ADARB2: variants seen among roughly 807,000 people sequenced by gnomAD.
ADARB2 encodes adenosine deaminase RNA specific B2 (inactive), also known as inactive double-stranded RNA-specific editase B2.
Under a neutral mutation model 62.2 loss-of-function variants are expected in ADARB2, and 25 were observed. The observed-to-expected ratio is 0.40, with a 90% CI of 0.29 to 0.56. The LOEUF is 0.56. Ranked by LOEUF, ADARB2 falls within the 20% of genes least tolerant of loss-of-function variation. ADARB2 has a pLI of 0.43. For synonymous variants in ADARB2, 572 were observed against 500.8 expected (o/e 1.14, Z -1.90); for missense variants, 1,071 against 1,077.4 (o/e 0.99, Z 0.08).
chr10:1,214,975 A>G lies in ADARB2; in HGVS notation c.1682+1976T>C, dbSNP rs1256275718. On this transcript the variant is annotated intron_variant, in intron 7 of 9. Transcript: ENST00000381312. The stretch of plus-strand genomic sequence containing the variant: ...ACGATTTCCATGAGAAGGTGGAACC[A>G]TTGTTGTTAGGGCTGGGGTTTCATC... Among the ~76,000 whole-genome samples, 6 of 152,272 alleles carry G rather than the reference A, an allele frequency of 3.9e-5. 1 individual carries two copies. In the South Asian group the frequency reaches 1.0e-3, roughly 26 times the overall value.
chr10:1,240,481 T>C (rs141398221), intron 5 of ADARB2: 294 of 152,492 alleles, frequency 1.9e-3, no homozygotes, highest in Admixed American at 3.6e-3. Flanking sequence ...AGAACAGACA[T>C]TTTCTCCACA....
intron 3 of ADARB2, among the ~76,000 whole-genome samples, chr10:1,351,231 G>T (rs964403864): frequency 6.6e-6 from 1 of 152,150 alleles, no homozygotes; most frequent in African/African-American, 2.4e-5. Flanking sequence ...GACGCTGCCC[G>T]ATCACCTCAG....
intron 3 of ADARB2, among the ~76,000 whole-genome samples, chr10:1,325,900 G>C (rs1440719916): frequency 6.6e-6 from 1 of 152,014 alleles, no homozygotes; most frequent in Non-Finnish European, 1.5e-5. Context: ...CCAAAGCCCG[G>C]GACATAGTGA....
At chr10:1,258,779 C>G (rs1208135522) in intron 4 of ADARB2, among the ~76,000 whole-genome samples, 1 of 152,192 alleles carries the variant, frequency 6.6e-6, no homozygotes, top group African/African-American at 2.4e-5. Flanking sequence ...GAATTGAACT[C>G]AGCTCTGCAC....
rs376883578 is a variant in ADARB2, at chr10:1,526,736, TCC to T, written c.101-147578_101-147577del. On this transcript the variant is annotated intron_variant, in intron 1 of 9. Coordinates refer to ENST00000381312, the MANE Select transcript of ADARB2 (RefSeq NM_018702.4). ...TCATAAATCACCCAGCCTCGGGTGT[TCC>T]TTTCTAGCAACACACACGGACTGAG... 5.7e-3 allele frequency: 2,190 copies of T among 381,700 alleles called. 54 individuals are homozygous for T. The highest frequency in any genetic ancestry group is 0.029 in the South Asian group (1,537 of 52,564). The allele number at this position is 381,700 out of a possible 1,614,324, so 23.6% of individuals were successfully genotyped here.
intron 1 of ADARB2, among the ~76,000 whole-genome samples, chr10:1,662,416 G>T (rs117370364): frequency 0.047 from 7,146 of 152,148 alleles, 251 homozygotes; most frequent in Non-Finnish European, 0.077. Flanking sequence ...CTTCCCCATG[G>T]ACCCCTTCCC....
chr10:1,206,667 G>A (rs527823694), intron 7 of ADARB2, among the ~76,000 whole-genome samples: 2 of 152,260 alleles, frequency 1.3e-5, no homozygotes, highest in South Asian at 2.1e-4. Flanking sequence ...ATGAGATGAC[G>A]CCTTGTGACT....
At chr10:1,449,124 G>A (rs942330844) in intron 1 of ADARB2, among the ~76,000 whole-genome samples, 2 of 152,190 alleles carry the variant, frequency 1.3e-5, no homozygotes, top group Non-Finnish European at 1.5e-5. Context: ...GAGTCTGGAT[G>A]AGACCAGGTC....
intron 1 of ADARB2, among the ~76,000 whole-genome samples, chr10:1,706,756 A>C (rs1193928964): frequency 6.6e-6 from 1 of 152,208 alleles, no homozygotes; most frequent in Non-Finnish European, 1.5e-5. Context: ...ACTCCATTAA[A>C]TAAACACACA....
chr10:1,653,402 G>A (rs1834134804), intron 1 of ADARB2, among the ~76,000 whole-genome samples: 1 of 152,182 alleles, frequency 6.6e-6, no homozygotes, highest in African/African-American at 2.4e-5. Context: ...AAGAGGCTGG[G>A]GTTTGAGGCT....
At chr10:1,259,579 C>T (rs1183541830) in intron 4 of ADARB2, among the ~76,000 whole-genome samples, 7 of 152,222 alleles carry the variant, frequency 4.6e-5, no homozygotes, top group Non-Finnish European at 7.3e-5. Flanking sequence ...GACACATACA[C>T]TCTCCCAAGA....
At chr10:1,519,186 TG>T (rs1363844002) in intron 1 of ADARB2, among the ~76,000 whole-genome samples, 4 of 152,024 alleles carry the variant, frequency 2.6e-5, no homozygotes, top group Non-Finnish European at 5.9e-5. Flanking sequence ...GCATGTGGTG[TG>T]GTCATACGCC....
intron 3 of ADARB2, among the ~76,000 whole-genome samples, chr10:1,350,389 G>A (rs768615370): frequency 2.6e-5 from 4 of 151,786 alleles, no homozygotes; most frequent in Non-Finnish European, 4.4e-5. Flanking sequence ...TCCTCCCCAG[G>A]CTGCTCCTCG....
rs190001894 is a variant in ADARB2 at position 1,681,780 on chromosome 10, A to C, written c.100+55271T>G. On this transcript the variant is annotated intron_variant, in intron 1 of 9. Coordinates refer to ENST00000381312, the MANE Select transcript of ADARB2 (RefSeq NM_018702.4). ...CCTGATAACATGCATTTTACATGCA[A>C]TCAAATACCGTCACCCAGTGAGGCC... Among the ~76,000 whole-genome samples, 151 of 152,322 alleles carry C rather than the reference A, an allele frequency of 9.9e-4. 1 individual carries two copies. Among genetic ancestry groups the C allele is most frequent in the Admixed American group, 7.8e-3 (120 of 15,304 alleles).
At chr10:1,703,822 G>C (rs1026370186) in intron 1 of ADARB2, among the ~76,000 whole-genome samples, 2 of 152,100 alleles carry the variant, frequency 1.3e-5, no homozygotes, top group African/African-American at 4.8e-5. Flanking sequence ...CAAATCTTTT[G>C]ACCACTGTTC....
chr10:1,584,703 G>C (rs1319471781), intron 1 of ADARB2, among the ~76,000 whole-genome samples: 1 of 152,206 alleles, frequency 6.6e-6, no homozygotes, highest in Non-Finnish European at 1.5e-5. Context: ...GCCCTTCAGT[G>C]GGTGAATGGA....
chr10:1,632,306 A>G (rs897678130), intron 1 of ADARB2, among the ~76,000 whole-genome samples: 2 of 152,162 alleles, frequency 1.3e-5, no homozygotes, highest in Non-Finnish European at 2.9e-5. Flanking sequence ...ACATGCGCAC[A>G]CACACAGGCA....
intron 3 of ADARB2, among the ~76,000 whole-genome samples, chr10:1,330,740 T>C (rs1831921027): frequency 1.3e-5 from 2 of 152,056 alleles, no homozygotes; most frequent in South Asian, 4.1e-4. Context: ...AAAGAAAAAA[T>C]AGATAAATTG....
intron 4 of ADARB2, among the ~76,000 whole-genome samples, chr10:1,247,478 G>T (rs1260699302): frequency 1.3e-5 from 2 of 152,120 alleles, no homozygotes; most frequent in Non-Finnish European, 2.9e-5. Context: ...GTCATAGATA[G>T]CTCTTATTAT....
Sources: gnomAD v4.1 joint callset for allele counts (sites outside exome capture counted in the v4.1 genomes callset) on GRCh38, gnomAD v4.1.1 for gene constraint, MANE v1.5 for transcripts, NCBI Gene and HGNC (gene_info 2026-07-23, HGNC 2026-07-21) for gene names.